The following PLEKHN1 variants were observed in gnomAD, a reference collection of about 807,000 sequenced individuals.
PLEKHN1 encodes the protein pleckstrin homology domain containing N1, also known as pleckstrin homology domain-containing family N member 1.
In PLEKHN1, 68 loss-of-function variants were observed where a neutral mutation model predicts 72.8. The ratio of observed to expected loss-of-function variants is 0.93; its 90% CI spans 0.77 to 1.14. The LOEUF is 1.14. Ranked by LOEUF, PLEKHN1 falls within the 50% of genes most tolerant of loss-of-function variation. PLEKHN1 has a pLI of 0.00. For synonymous variants in PLEKHN1, 454 were observed against 371.6 expected (o/e 1.22, Z -2.55); for missense variants, 1,015 against 840.5 (o/e 1.21, Z -2.57).
chr1:973,706 G>A (rs1486308931), intron 13 of PLEKHN1, 66 bp downstream of exon 13: 2 of 1,586,118 alleles, frequency 1.3e-6, no homozygotes, highest in East Asian at 2.2e-5. Flanking sequence ...GGGAGGTCTA[G>A]ACCGTGCGTC....
Position 970,481 on chromosome 1 carries a change from C to A in PLEKHN1, c.331-40C>A. The A allele has an allele frequency of 6.2e-7, 1 of 1,613,036 alleles. No homozygotes were observed. The highest frequency in any genetic ancestry group is 8.5e-7 in the Non-Finnish European group (1 of 1,179,906). On this transcript the variant is annotated intron_variant, in intron 3 of 15. Coordinates refer to ENST00000379410, the MANE Select transcript of PLEKHN1 (RefSeq NM_032129.3). This position sits in a 1 kb window ranked among gnomAD's most constrained non-coding sequence, Gnocchi z 4.2. ...GTGCAGCATCCCCATCAGCCTGGGG[C>A]TCCCCAGACTCCGCACTGACGACCC...
chr1:968,682 G>A (rs1355891929), intron 2 of PLEKHN1, among the ~76,000 whole-genome samples: 4 of 152,238 alleles, frequency 2.6e-5, no homozygotes, highest in African/African-American at 9.6e-5. Context: ...GAGGGGATGA[G>A]TGCAGAGGAT....
intron 14 of PLEKHN1, 124 bp from the exon 15 acceptor site, chr1:974,192 G>A: frequency 6.6e-7 from 1 of 1,525,498 alleles, no homozygotes; most frequent in Non-Finnish European, 9.0e-7. Context: ...CCAGTAGGGA[G>A]TTGGGGAGAT....
rs748442178 is a variant in PLEKHN1, at chr1:974,451, C to T, written c.1712C>T (p.Ser571Phe). 6.2e-6 allele frequency: 10 copies of T among 1,612,714 alleles called. No individual in the cohort carries two copies. Among genetic ancestry groups the T allele is most frequent in the Non-Finnish European group, 7.6e-6 (9 of 1,179,948 alleles). ...EPWLPLTDGR[S>F]PRRSRDPGYD... is the part of the protein sequence containing the mutation. Reference sequence around the variant, plus strand: ...CTGCCTTCCCTACCAGATGGTCGGTCCCCCAGGAGGAGCCGGGACCCCGGC... The same window carrying T: ...CTGCCTTCCCTACCAGATGGTCGGTTCCCCAGGAGGAGCCGGGACCCCGGC... Residue 571 changes from serine to phenylalanine, a missense_variant, in exon 16 of 16, where the codon TCC becomes TTC. Ser to Phe is a radical substitution (Grantham distance 155). Coordinates refer to ENST00000379410, the MANE Select transcript of PLEKHN1 (RefSeq NM_032129.3).
chr1:972,202 C>T (rs762502829), intron 9 of PLEKHN1, 52 bp downstream of exon 9: 30 of 1,604,152 alleles, frequency 1.9e-5, no homozygotes, highest in Non-Finnish European at 2.2e-5. Context: ...CATGGTGGGG[C>T]GGGAGCCTGG....
intron 2 of PLEKHN1, among the ~76,000 whole-genome samples, chr1:969,164 C>T (rs939612568): frequency 1.3e-5 from 2 of 152,064 alleles, no homozygotes; most frequent in Non-Finnish European, 2.9e-5. Context: ...TGAGTGTTAC[C>T]CAGACACCCC....
rs375248247 is a variant in PLEKHN1 at position 974,040 on chromosome 1, G to A, written c.1642G>A (p.Ala548Thr). 169 of 1,585,178 alleles carry A rather than the reference G, an allele frequency of 1.1e-4. No individual in the cohort carries two copies. The highest frequency in any genetic ancestry group is 3.2e-4 in the Admixed American group (18 of 56,780). The change falls in exon 14 of 16, where the codon GCC becomes ACC. Residue 548 changes from alanine to threonine, a missense_variant. Physicochemically the swap from Ala to Thr is moderately conservative, Grantham distance 58. Transcript: ENST00000379410. ...GGATGGGGGGCCGCAGCCCCCAGAC[G>A]CCCCTCAGCTTGTGAGTAGCAGCCC... ...AKDGGPQPPD[A>T]PQLVSSAREG... is the part of the protein sequence containing the mutation.
Position 972,321 on chromosome 1 carries a change from C to T in PLEKHN1, c.899C>T (p.Ala300Val), listed in dbSNP as rs2100473196. 3 of 1,612,632 alleles carry T rather than the reference C, an allele frequency of 1.9e-6. No homozygotes were observed. Among genetic ancestry groups the T allele is most frequent in the Non-Finnish European group, 1.7e-6 (2 of 1,179,872 alleles). ...PLINTIRVVC[A>V]SYEDYGHWLL... is the part of the protein sequence containing the mutation. ...ATCAACACCATCCGCGTGGTGTGCG[C>T]CAGCTACGAGGACTACGGTCACTGG... The change falls in exon 10 of 16, where the codon GCC becomes GTC. Residue 300 changes from alanine (A) to valine (V), a missense_variant. Transcript: ENST00000379410.
Position 974,885 on chromosome 1 carries a change from C to T in PLEKHN1, c.*310C>T. The T allele has an allele frequency of 2.5e-6, 1 of 406,378 alleles. No homozygotes were observed. Among genetic ancestry groups the T allele is most frequent in the African/African-American group, 2.0e-5 (1 of 50,270 alleles). The allele number at this position is 406,378 out of a possible 1,614,324, so 25.2% of individuals were successfully genotyped here. ...CGCCAGGAGTCAGGGAGGAGACTCG[C>T]TGGGAGTGGGAGGGCAGCACGGGCG... On this transcript the variant is annotated 3_prime_UTR_variant, in exon 16 of 16. Transcript: ENST00000379410.
At chr1:967,050 G>C (rs1447633357) in intron 2 of PLEKHN1, among the ~76,000 whole-genome samples, 1 of 152,230 alleles carries the variant, frequency 6.6e-6, no homozygotes, top group Non-Finnish European at 1.5e-5. Context: ...GCCGCGGGCG[G>C]GGCCTCCCGG....
chr1:966,730 G>A lies in PLEKHN1; in HGVS notation c.110G>A (p.Gly37Asp). ...GAGGACAGCGCGCGGATGTCGGCCG[G>A]CCTGCCGGGCCCCGAGGCTGCTCGA... is the stretch of plus-strand genomic sequence containing the variant. Reference protein sequence around the residue: ...NREDSARMSAGLPGPEAARSG... With the variant: ...NREDSARMSADLPGPEAARSG... Residue 37 changes from glycine (G) to aspartate (D), a missense_variant, in exon 2 of 16, where the codon GGC becomes GAC. Coordinates refer to ENST00000379410, the MANE Select transcript of PLEKHN1 (RefSeq NM_032129.3). The A allele has an allele frequency of 6.4e-7, 1 of 1,573,010 alleles. No homozygotes were observed. The highest frequency in any genetic ancestry group is 8.6e-7 in the Non-Finnish European group (1 of 1,159,752).
chr1:968,532 T>A (rs975848320), intron 2 of PLEKHN1, among the ~76,000 whole-genome samples: 1 of 152,230 alleles, frequency 6.6e-6, no homozygotes, highest in South Asian at 2.1e-4. Context: ...AGGCCCTGTC[T>A]TAGGCTCTGG....
At position 974,361 on chromosome 1, in the gene PLEKHN1, A is replaced by G; in HGVS notation, c.1699A>G (p.Thr567Ala). The G allele has an allele frequency of 6.2e-7, 1 of 1,612,980 alleles. No individual in the cohort carries two copies. Among genetic ancestry groups the G allele is most frequent in the Non-Finnish European group, 8.5e-7 (1 of 1,179,980 alleles). ...EGSPEPWLPL[T>A]DGRSPRRSRD... ...TTCGCCCGAACCCTGGCTGCCTCTG[A>G]CAGGTGAGTAAGGATCCTGCCTCCT... The change falls in exon 15 of 16, where the codon ACA (threonine) becomes GCA (alanine). Residue 567 changes from threonine (T) to alanine (A), a missense_variant. Physicochemically the swap from Thr to Ala is moderately conservative, Grantham distance 58 (BLOSUM62 0). Transcript: ENST00000379410.
Position 970,256 on chromosome 1 carries a change from C to T in PLEKHN1, c.184-21C>T, listed in dbSNP as rs1222501502. On this transcript the variant is annotated intron_variant, in intron 2 of 15. Transcript: ENST00000379410. The surrounding 1 kb of genome is among the most constrained non-coding windows in gnomAD (Gnocchi z 4.2). ...GGGGGGCCCAGGGGAGGCCCCCTCC[C>T]CTGAGCTCTACTCCTCCTAGGACAT... is the stretch of plus-strand genomic sequence containing the variant. The T allele has an allele frequency of 6.2e-7, 1 of 1,611,278 alleles. No individual in the cohort carries two copies. The highest frequency in any genetic ancestry group is 2.2e-5 in the East Asian group (1 of 44,838).
rs1348880847 is a variant in PLEKHN1, at chr1:973,865, C to CA, written c.1468dup (p.Thr490AsnfsTer17). 6.2e-7 allele frequency: 1 copy of CA among 1,610,620 alleles called. No individual in the cohort carries two copies. The highest frequency in any genetic ancestry group is 2.2e-5 in the East Asian group (1 of 44,872). ...GTGCCATGCAGAGTGCACGTGGACC[C>CA]ACGCCCTCGAGCCCACTCCCCTCGG... On this transcript the variant is annotated frameshift_variant, in exon 14 of 16. Coordinates refer to ENST00000379410, the MANE Select transcript of PLEKHN1 (RefSeq NM_032129.3). LOFTEE classifies it high-confidence loss of function.
chr1:967,088 C>G (rs550184607), intron 2 of PLEKHN1, among the ~76,000 whole-genome samples: 1 of 152,200 alleles, frequency 6.6e-6, no homozygotes, highest in African/African-American at 2.4e-5. Context: ...GACCAGCGCA[C>G]GTGTCTCTGT....
intron 2 of PLEKHN1, among the ~76,000 whole-genome samples, chr1:968,234 A>G (rs1360443461): frequency 6.6e-6 from 1 of 152,196 alleles, no homozygotes; most frequent in African/African-American, 2.4e-5. Context: ...GTCTGTTCAC[A>G]TTCCTGGGCC....
chr1:974,117 C>T, intron 14 of PLEKHN1, 66 bp downstream of exon 14: 1 of 1,501,396 alleles, frequency 6.7e-7, no homozygotes, highest in Non-Finnish European at 9.0e-7. Context: ...GGTGTGGGGC[C>T]TCTTGGGACT....
At chr1:971,074 C>T in intron 6 of PLEKHN1, 39 bp from the exon 7 acceptor site, 1 of 1,580,856 alleles carries the variant, frequency 6.3e-7, no homozygotes, top group Non-Finnish European at 8.6e-7. Flanking sequence ...CTCCTCCTCA[C>T]AGGGGTCCTG....
Sources: gnomAD v4.1 joint callset for allele counts (sites outside exome capture counted in the v4.1 genomes callset) on GRCh38, gnomAD v4.1.1 for gene constraint, Gnocchi (gnomAD v3.1) non-coding constraint, MANE v1.5 for transcripts, NCBI Gene and HGNC (gene_info 2026-07-23, HGNC 2026-07-21) for gene names.